The following VRTN variants were observed in gnomAD, a reference collection of about 807,000 sequenced individuals.
VRTN encodes the protein vertnin.
Under a neutral mutation model 18.2 loss-of-function variants are expected in VRTN, and 5 were observed. The observed-to-expected ratio is 0.27, with a 90% CI of 0.14 to 0.58. The LOEUF (loss-of-function observed/expected upper bound fraction) is 0.58, where lower values mean the gene tolerates loss of function less well. Ranked by LOEUF, VRTN falls within the 20% of genes least tolerant of loss-of-function variation. VRTN has a pLI of 0.91. For synonymous variants in VRTN, 381 were observed against 393.7 expected (o/e 0.97, Z 0.38); for missense variants, 741 against 939.4 (o/e 0.79, Z 2.76).
chr14:74,331,542 TTTTATATATATATATATATATA>T (rs71115983), intron 1 of VRTN, among the ~76,000 whole-genome samples: 17,473 of 64,874 alleles, frequency 0.27, 2,329 homozygotes, highest in East Asian at 0.55. Flanking sequence ...AAAAAAAAAA[TTTTATATATATATATATATATA>T]TATATATATA....
At chr14:74,319,954 A>G (rs916122988) in intron 1 of VRTN, among the ~76,000 whole-genome samples, 2 of 152,242 alleles carry the variant, frequency 1.3e-5, no homozygotes, top group Non-Finnish European at 2.9e-5. Flanking sequence ...GAGTGCTTCA[A>G]GAAGCAAGCC....
Position 74,331,007 on chromosome 14 carries a change from G to A in VRTN, c.-163-6716G>A, listed in dbSNP as rs550470133. ...GAGGTCAGGAGATCGAGACCATCCT[G>A]GCTAACACAGTGAAACCCCGTCTCT... On this transcript the variant is annotated intron_variant, in intron 1 of 2. Coordinates refer to the VRTN transcript ENST00000557177. Among the ~76,000 whole-genome samples, 183 of 150,356 alleles carry A rather than the reference G, an allele frequency of 1.2e-3. 1 individual carries two copies. The highest frequency in any genetic ancestry group is 2.0e-3 in the Non-Finnish European group (135 of 67,656).
chr14:74,358,606 C>A lies in VRTN; in HGVS notation c.1823C>A (p.Ala608Asp), dbSNP rs1225173937. 1.3e-6 allele frequency: 2 copies of A among 1,599,596 alleles called. No homozygotes were observed. The highest frequency in any genetic ancestry group is 1.7e-6 in the Non-Finnish European group (2 of 1,172,302). The stretch of plus-strand genomic sequence containing the variant: ...GAGGGAGGGCCTTCCAGAGAGGGGG[C>A]CCTGCAGGAGGGGGCCACAGCCCAG... ...DVEGGPSREG[A>D]LQEGATAQGQ... Residue 608 changes from alanine (A) to aspartate (D), a missense_variant, in exon 2 of 2, where the codon GCC (alanine) becomes GAC (aspartate). Ala to Asp is a moderately radical substitution (Grantham distance 126). Around this residue, in one of 3 missense-constraint regions of VRTN, gnomAD observed 494 missense variants for 546.5 expected, o/e 0.90. Coordinates refer to ENST00000256362, the MANE Select transcript of VRTN (RefSeq NM_018228.3). This position sits in a 1 kb window ranked among gnomAD's most constrained non-coding sequence, Gnocchi z 5.4.
chr14:74,357,798 T>C lies in VRTN; in HGVS notation c.1015T>C (p.Phe339Leu), dbSNP rs200460606. 7 of 1,613,070 alleles carry C rather than the reference T, an allele frequency of 4.3e-6. No individual in the cohort carries two copies. In the Admixed American group the frequency reaches 1.0e-4, roughly 23 times the overall value. ...GCCACTTCAGCAGTTCCTCCAGCGG[T>C]TCCCGGAGATCTCCCGCTCAACCTA... is the stretch of plus-strand genomic sequence containing the variant. ...VVPLQQFLQR[F>L]PEISRSTYYA... The change falls in exon 2 of 2, where the codon TTC (phenylalanine) becomes CTC (leucine). Residue 339 changes from phenylalanine to leucine, a missense_variant. Physicochemically the swap from Phe to Leu is conservative, Grantham distance 22 (BLOSUM62 0). Transcript: ENST00000256362. The surrounding 1 kb of genome is among the most constrained non-coding windows in gnomAD (Gnocchi z 7.8).
In VRTN at chr14:74,331,467, T is replaced by G. The variant is rs183220934; in HGVS notation, c.-163-6256T>G. Among the ~76,000 whole-genome samples, 425 of 144,780 alleles carry G rather than the reference T, an allele frequency of 2.9e-3. 2 individuals carry two copies. Among genetic ancestry groups the G allele is most frequent in the African/African-American group, 0.01 (406 of 39,474 alleles). 95.0% of individuals were successfully genotyped at this position (144,780 alleles called of 152,430 possible). A position where few individuals can be genotyped will look rare whatever the true frequency, so the allele number is the denominator to read the frequency against. On this transcript the variant is annotated intron_variant, in intron 1 of 2. Transcript: ENST00000557177. ...TCGCTTGAACCCAGGAGGCAGAGGT[T>G]GCAGTGAGCCAAGATTGCACCATTG... is the stretch of plus-strand genomic sequence containing the variant.
chr14:74,305,698 C>T (rs3759749), intron 1 of VRTN: 45,059 of 152,380 alleles, frequency 0.3, 7,261 homozygotes, highest in Middle Eastern at 0.56. Context: ...CGCAATGGCA[C>T]GATCTTGGCT....
At chr14:74,327,753 G>A (rs190488951) in intron 1 of VRTN, among the ~76,000 whole-genome samples, 7 of 152,000 alleles carry the variant, frequency 4.6e-5, no homozygotes, top group East Asian at 1.9e-4. Flanking sequence ...GTCTCACTTC[G>A]TTGCCCAGGC....
In VRTN at chr14:74,359,009, C is replaced by T; in HGVS notation, c.*117C>T. 6.9e-7 allele frequency: 1 copy of T among 1,451,494 alleles called. No individual in the cohort carries two copies. Among genetic ancestry groups the T allele is most frequent in the South Asian group, 1.5e-5 (1 of 66,242 alleles). The allele number at this position is 1,451,494 out of a possible 1,614,324, so 89.9% of individuals were successfully genotyped here. ...TTGCTCTGGGTCCCACAGTGTCTAC[C>T]CTAAGTCCAAGGGTATATTTGTGTT... On this transcript the variant is annotated 3_prime_UTR_variant, in exon 2 of 2. Coordinates refer to ENST00000256362, the MANE Select transcript of VRTN (RefSeq NM_018228.3).
rs573477254 is a variant in VRTN, at chr14:74,340,811, C to T, written c.-2+2927C>T. Among the ~76,000 whole-genome samples the T allele has an allele frequency of 1.1e-4, 17 of 152,204 alleles. 1 individual carries two copies. Among genetic ancestry groups the T allele is most frequent in the African/African-American group, 2.2e-4 (9 of 41,540 alleles). ...TGTCGCCCAGGCTGGAGTGCAGTGACGCAATCTCAGCTCACTGCAGCCTCT... is the reference window on the plus strand; with the variant it reads ...TGTCGCCCAGGCTGGAGTGCAGTGATGCAATCTCAGCTCACTGCAGCCTCT... On this transcript the variant is annotated intron_variant, in intron 2 of 2. Coordinates refer to the VRTN transcript ENST00000557177.
At chr14:74,329,416 T>C (rs1229383243) in intron 1 of VRTN, among the ~76,000 whole-genome samples, 1 of 151,156 alleles carries the variant, frequency 6.6e-6, no homozygotes, top group Non-Finnish European at 1.5e-5. Flanking sequence ...GAATAGCTAG[T>C]GGTTTTGTTT....
intron 1 of VRTN, among the ~76,000 whole-genome samples, chr14:74,326,540 C>G (rs1160728562): frequency 6.6e-6 from 1 of 152,142 alleles, no homozygotes; most frequent in Non-Finnish European, 1.5e-5. Flanking sequence ...CCTTCCAGCC[C>G]CAAGTCCCTC....
At position 74,341,314 on chromosome 14, in the gene VRTN, A is replaced by C. The variant is rs867071613; in HGVS notation, c.-2+3430A>C. Among the ~76,000 whole-genome samples the C allele has an allele frequency of 3.9e-5, 6 of 152,316 alleles. No individual in the cohort carries two copies. The South Asian group carries it at 1.0e-3, about 26-fold the overall frequency. On this transcript the variant is annotated intron_variant, in intron 2 of 2. Transcript: ENST00000557177. ...GGCCAGGTAATTTACTCCATGTCCC[A>C]CAGGGCAAAGCTGGAATACTGACCC...
intron 1 of VRTN, among the ~76,000 whole-genome samples, chr14:74,310,660 C>T (rs1041676967): frequency 6.6e-6 from 1 of 151,286 alleles, no homozygotes; most frequent in African/African-American, 2.4e-5. Flanking sequence ...GCCTCAGCCT[C>T]CCAAGTAGCT....
rs2085754805 is a variant in VRTN, at chr14:74,358,562, G to A, written c.1779G>A (p.Gly593=). 2 of 1,608,342 alleles carry A rather than the reference G, an allele frequency of 1.2e-6. No individual in the cohort carries two copies. The highest frequency in any genetic ancestry group is 2.7e-5 in the African/African-American group (2 of 74,862). ...DVTAVMAPPV[G]ASSEDVEGGP... is the part of the protein sequence containing the mutation. Reference sequence around the variant, plus strand: ...CAGCTGTGATGGCCCCACCTGTGGGGGCTTCTTCAGAAGATGTAGAGGGAG... The same window carrying A: ...CAGCTGTGATGGCCCCACCTGTGGGAGCTTCTTCAGAAGATGTAGAGGGAG... Residue 593 remains glycine, a synonymous_variant, in exon 2 of 2, where the codon GGG becomes GGA. Transcript: ENST00000256362. The surrounding 1 kb of genome is among the most constrained non-coding windows in gnomAD (Gnocchi z 5.4).
chr14:74,335,647 T>C (rs74973788), intron 1 of VRTN, among the ~76,000 whole-genome samples: 2,010 of 152,226 alleles, frequency 0.013, 22 homozygotes, highest in Middle Eastern at 0.024. Flanking sequence ...TATTCAACTC[T>C]AAAGCCAGTG....
intron 1 of VRTN, among the ~76,000 whole-genome samples, chr14:74,329,275 CAA>C (rs57850959): frequency 1.5e-4 from 19 of 130,634 alleles, no homozygotes; most frequent in Middle Eastern, 3.9e-3. Flanking sequence ...AACTCCATCT[CAA>C]AAAAAAAAAA....
intron 1 of VRTN, among the ~76,000 whole-genome samples, chr14:74,328,536 C>CTT (rs902178458): frequency 6.6e-6 from 1 of 152,192 alleles, no homozygotes; most frequent in African/African-American, 2.4e-5. Flanking sequence ...TTTACTGCAA[C>CTT]ACTGTTTCTG....
At chr14:74,314,254 T>C (rs923626154) in intron 1 of VRTN, among the ~76,000 whole-genome samples, 2 of 151,982 alleles carry the variant, frequency 1.3e-5, no homozygotes, top group African/African-American at 4.8e-5. Context: ...GCCTCAGCCT[T>C]CCCAGTAGCT....
chr14:74,310,311 C>G (rs2085379131), intron 1 of VRTN, among the ~76,000 whole-genome samples: 1 of 149,528 alleles, frequency 6.7e-6, no homozygotes, highest in East Asian at 2.0e-4. Context: ...GCAGGAGACT[C>G]ACTTGAACGT....
Sources: allele counts gnomAD v4.1 joint callset (sites outside exome capture counted in the v4.1 genomes callset), GRCh38; gene constraint gnomAD v4.1.1; regional missense constraint gnomAD v4.1.1; non-coding constraint Gnocchi (gnomAD v3.1); transcripts MANE v1.5; gene names NCBI Gene and HGNC (gene_info 2026-07-23, HGNC 2026-07-21).